The following NR3C2 variants were observed in gnomAD, a reference collection of about 807,000 sequenced individuals.
NR3C2 encodes the protein nuclear receptor subfamily 3 group C member 2, also known as mineralocorticoid receptor.
A neutral mutation model predicts 86.4 loss-of-function variants in NR3C2; 15 were observed. The ratio of observed to expected loss-of-function variants is 0.17; its 90% confidence interval spans 0.12 to 0.27. NR3C2 has a LOEUF of 0.27. Among genes scored for constraint, NR3C2 ranks in the 10% least tolerant of loss-of-function variants. NR3C2 has a pLI of 1.00. For missense variants in NR3C2, 960 were observed against 1,195.6 expected (o/e 0.80, Z 2.91); for synonymous variants, 458 against 450.5 (o/e 1.02, Z -0.21).
Position 148,092,940 on chromosome 4 carries a change from A to G in NR3C2, c.2800-11441T>C, listed in dbSNP as rs141690074. Among the ~76,000 whole-genome samples the G allele has an allele frequency of 1.5e-3, 225 of 152,330 alleles. 1 individual carries two copies. The highest frequency in any genetic ancestry group is 2.4e-3 in the Non-Finnish European group (163 of 68,028). On this transcript the variant is annotated intron_variant, in intron 8 of 8. Coordinates refer to ENST00000358102, the MANE Select transcript of NR3C2 (RefSeq NM_000901.5). ...AATGATGGCCTGGCCTGCTGTCTCA[A>G]TGCTGATGCCCACTGGCCTTTCCTG...
chr4:148,211,152 A>G (rs1737263118), intron 3 of NR3C2, among the ~76,000 whole-genome samples: 1 of 152,252 alleles, frequency 6.6e-6, no homozygotes, highest in South Asian at 2.1e-4. Context: ...ACTAGTTAAA[A>G]GAATTCCAAA....
chr4:148,439,844 G>T (rs563509393), intron 1 of NR3C2, among the ~76,000 whole-genome samples: 49 of 152,318 alleles, frequency 3.2e-4, no homozygotes, highest in African/African-American at 1.1e-3. Context: ...GACCTGAAGA[G>T]AATCTATACT....
intron 3 of NR3C2, among the ~76,000 whole-genome samples, chr4:148,247,307 T>C (rs77319268): frequency 1.3e-5 from 2 of 152,216 alleles, no homozygotes; most frequent in Non-Finnish European, 2.9e-5. Context: ...ATTTCTTTTT[T>C]GTTCACATCT....
chr4:148,408,771 G>C (rs1369629890), intron 2 of NR3C2, among the ~76,000 whole-genome samples: 1 of 152,076 alleles, frequency 6.6e-6, no homozygotes, highest in Non-Finnish European at 1.5e-5. Flanking sequence ...GAAATATTTA[G>C]TGTATTTCAT....
chr4:148,431,060 G>A (rs61759965), intron 2 of NR3C2, among the ~76,000 whole-genome samples: 3 of 151,992 alleles, frequency 2.0e-5, no homozygotes, highest in Non-Finnish European at 4.4e-5. Flanking sequence ...TATGACTATC[G>A]CCATAAACAG....
At chr4:148,152,274 C>T (rs551088800) in intron 6 of NR3C2, 195 bp downstream of exon 6, 6 of 556,346 alleles carry the variant, frequency 1.1e-5, no homozygotes, top group South Asian at 1.0e-4. Flanking sequence ...GATTTATATA[C>T]ACTCAGAAGC....
chr4:148,091,453 C>T (rs1052674812), intron 8 of NR3C2, among the ~76,000 whole-genome samples: 1 of 152,220 alleles, frequency 6.6e-6, no homozygotes, highest in African/African-American at 2.4e-5. Flanking sequence ...TGGAAAAATC[C>T]AGGCGCGTGA....
At chr4:148,211,747 C>T (rs990634720) in intron 3 of NR3C2, among the ~76,000 whole-genome samples, 9 of 151,656 alleles carry the variant, frequency 5.9e-5, no homozygotes, top group Non-Finnish European at 1.5e-5. Context: ...TTCCCAGCCT[C>T]TGCATTCCAT....
intron 2 of NR3C2, among the ~76,000 whole-genome samples, chr4:148,299,502 G>A (rs1742226420): frequency 6.6e-6 from 1 of 152,188 alleles, no homozygotes. Flanking sequence ...GGATGGGCAA[G>A]CAGCGGCTCC....
At chr4:148,244,893 G>T (rs1280025803) in intron 3 of NR3C2, among the ~76,000 whole-genome samples, 5 of 152,058 alleles carry the variant, frequency 3.3e-5, no homozygotes, top group Admixed American at 6.6e-5. Flanking sequence ...TAGTGTTATA[G>T]CTTTTAATGT....
intron 1 of NR3C2, among the ~76,000 whole-genome samples, chr4:148,439,536 T>C (rs1423186198): frequency 6.6e-6 from 1 of 152,152 alleles, no homozygotes; most frequent in African/African-American, 2.4e-5. Context: ...TTCCTGGTCA[T>C]AGTCAAGAGG....
upstream of NR3C2, chr4:148,444,453 C>A (rs972759600): frequency 1.0e-6 from 1 of 986,038 alleles, no homozygotes; most frequent in Non-Finnish European, 1.2e-6. Flanking sequence ...ACCTGCCTTG[C>A]CCGGGGCCGC....
At chr4:148,315,564 T>C (rs184257367) in intron 2 of NR3C2, among the ~76,000 whole-genome samples, 2 of 152,222 alleles carry the variant, frequency 1.3e-5, no homozygotes, top group Non-Finnish European at 2.9e-5. Flanking sequence ...CTCTGCAAAT[T>C]AGTTTTTTTA....
chr4:148,202,432 G>T (rs1736772933), intron 3 of NR3C2, among the ~76,000 whole-genome samples: 1 of 152,226 alleles, frequency 6.6e-6, no homozygotes, highest in African/African-American at 2.4e-5. Context: ...CCCTCTGGGA[G>T]CAGGTGCTCA....
Position 148,154,609 on chromosome 4 carries a change from G to C in NR3C2, c.2307C>G (p.Leu769=). 6.2e-7 allele frequency: 1 copy of C among 1,614,212 alleles called. No homozygotes were observed. The highest frequency in any genetic ancestry group is 8.5e-7 in the Non-Finnish European group (1 of 1,180,042). ...PDTAENLLST[L]NRLAGKQMIQ... The stretch of plus-strand genomic sequence containing the variant: ...TCATCTGTTTGCCTGCTAAGCGGTT[G>C]AGCGTGGAGAGCAGATTTTCGGCTG... The change falls in exon 5 of 9, where the codon CTC becomes CTG. Residue 769 remains leucine (L), a synonymous_variant. Coordinates refer to ENST00000358102, the MANE Select transcript of NR3C2 (RefSeq NM_000901.5).
At chr4:148,444,895 T>C (rs1345109355), upstream of NR3C2, 1 of 984,632 alleles carries the variant, frequency 1.0e-6, no homozygotes. Flanking sequence ...CGCCCGCCGC[T>C]CCGCAGCGCC....
chr4:148,352,960 T>C (rs1167401993), intron 2 of NR3C2, among the ~76,000 whole-genome samples: 1 of 152,078 alleles, frequency 6.6e-6, no homozygotes, highest in Non-Finnish European at 1.5e-5. Context: ...TGAATAAACA[T>C]TAATGAGAAC....
At chr4:148,260,727 TAAAAC>T (rs1479159293) in intron 2 of NR3C2, among the ~76,000 whole-genome samples, 1 of 152,132 alleles carries the variant, frequency 6.6e-6, no homozygotes, top group Non-Finnish European at 1.5e-5. Context: ...CAGCCAATAA[TAAAAC>T]AAAAAACCAA....
chr4:148,243,990 G>A (rs538964931), intron 3 of NR3C2, among the ~76,000 whole-genome samples: 1 of 152,330 alleles, frequency 6.6e-6, no homozygotes, highest in South Asian at 2.1e-4. Flanking sequence ...GCAGACAATG[G>A]TTTAAGTAAG....
Sources: gnomAD v4.1 joint callset for allele counts (sites outside exome capture counted in the v4.1 genomes callset) on GRCh38, gnomAD v4.1.1 for gene constraint, MANE v1.5 for transcripts, NCBI Gene and HGNC (gene_info 2026-07-23, HGNC 2026-07-21) for gene names.